The following STPG2 variants were observed in gnomAD, a reference collection of about 807,000 sequenced individuals.
STPG2 encodes sperm tail PG-rich repeat containing 2.
STPG2 carries 56 observed loss-of-function variants against 54.2 expected under a neutral mutation model. The observed-to-expected ratio is 1.03, with a 90% CI of 0.83 to 1.29. STPG2 has a LOEUF of 1.29. Among genes scored for constraint, STPG2 ranks in the 50% most tolerant of loss-of-function variants. The pLI is 0.00. For synonymous variants in STPG2, 200 were observed against 181.8 expected (o/e 1.10, Z -0.81); for missense variants, 596 against 544.9 (o/e 1.09, Z -0.93).
At chr4:97,635,691 A>G (rs371738467) in intron 10 of STPG2, among the ~76,000 whole-genome samples, 1 of 150,746 alleles carries the variant, frequency 6.6e-6, no homozygotes, top group Non-Finnish European at 1.5e-5. Context: ...GGTTGCAATC[A>G]TAGTCTCTGA....
chr4:97,762,476 T>C (rs1725917665), intron 9 of STPG2, among the ~76,000 whole-genome samples: 1 of 152,158 alleles, frequency 6.6e-6, no homozygotes, highest in Non-Finnish European at 1.5e-5. Flanking sequence ...CCTAACAGGA[T>C]GCTTCCTCCC....
chr4:97,741,240 G>T (rs1393007225), intron 9 of STPG2, among the ~76,000 whole-genome samples: 1 of 151,998 alleles, frequency 6.6e-6, no homozygotes, highest in Non-Finnish European at 1.5e-5. Flanking sequence ...TTAAACATTA[G>T]ACCTAAAACC....
chr4:97,826,101 C>G (rs557154176), intron 9 of STPG2, among the ~76,000 whole-genome samples: 23 of 152,252 alleles, frequency 1.5e-4, no homozygotes, highest in African/African-American at 4.3e-4. Context: ...ACACTTCTGT[C>G]TGATGTCATA....
chr4:97,615,196 T>A (rs1414372698), intron 10 of STPG2, among the ~76,000 whole-genome samples: 2 of 152,182 alleles, frequency 1.3e-5, no homozygotes, highest in Non-Finnish European at 2.9e-5. Context: ...GGTCTCTTTT[T>A]AAACTGATGA....
chr4:97,966,511 G>A (rs1014170957), intron 7 of STPG2, among the ~76,000 whole-genome samples: 2 of 152,108 alleles, frequency 1.3e-5, no homozygotes, highest in Non-Finnish European at 2.9e-5. Context: ...TCAAATTCAG[G>A]AAATACAGAG....
chr4:97,702,441 A>G (rs1017003939), intron 10 of STPG2, among the ~76,000 whole-genome samples: 1 of 152,168 alleles, frequency 6.6e-6, no homozygotes. Context: ...TCATGGGTCA[A>G]ACCCTCAACC....
intron 8 of STPG2, among the ~76,000 whole-genome samples, chr4:97,848,859 A>G (rs1403264002): frequency 6.7e-6 from 1 of 149,902 alleles, no homozygotes; most frequent in Non-Finnish European, 1.5e-5. Flanking sequence ...ATTGATCTAT[A>G]TCTCTGTTTT....
intron 10 of STPG2, among the ~76,000 whole-genome samples, chr4:97,675,123 C>T (rs1041261313): frequency 5.3e-5 from 8 of 152,102 alleles, no homozygotes; most frequent in Non-Finnish European, 1.2e-4. Context: ...CCTGCCTCAG[C>T]CTCCCGAGTA....
At chr4:98,018,853 T>G (rs915328681) in intron 5 of STPG2, among the ~76,000 whole-genome samples, 5 of 151,998 alleles carry the variant, frequency 3.3e-5, no homozygotes, top group African/African-American at 9.7e-5. Flanking sequence ...TTGCCCACTT[T>G]TTGATGGGGT....
intron 10 of STPG2, among the ~76,000 whole-genome samples, chr4:97,665,235 C>A (rs147682053): frequency 6.6e-6 from 1 of 152,172 alleles, no homozygotes; most frequent in Admixed American, 6.5e-5. Flanking sequence ...GCTCTGTTTG[C>A]GTTACAGCTC....
intron 5 of STPG2, among the ~76,000 whole-genome samples, chr4:97,996,986 G>A (rs535115625): frequency 6.6e-6 from 1 of 152,376 alleles, no homozygotes; most frequent in African/African-American, 2.4e-5. Flanking sequence ...TACACTGCTG[G>A]TGGGAATGTA....
intron 4 of STPG2, among the ~76,000 whole-genome samples, chr4:97,545,728 A>G (rs948269694): frequency 1.3e-5 from 2 of 152,126 alleles, no homozygotes; most frequent in African/African-American, 4.8e-5. Context: ...AATTGGTTGA[A>G]TTCCAAAAAA....
At chr4:97,915,865 G>A (rs371203244) in intron 8 of STPG2, among the ~76,000 whole-genome samples, 41 of 152,202 alleles carry the variant, frequency 2.7e-4, no homozygotes, top group African/African-American at 6.3e-4. Context: ...GCTATGCTTC[G>A]GGAAGATCAC....
chr4:97,491,724 G>C (rs1319814182), intron 4 of STPG2, among the ~76,000 whole-genome samples: 1 of 151,516 alleles, frequency 6.6e-6, no homozygotes, highest in East Asian at 1.9e-4. Context: ...AAGGAAGAAA[G>C]TCAGATAGGT....
intron 1 of STPG2, among the ~76,000 whole-genome samples, chr4:98,137,240 G>A (rs906035315): frequency 8.6e-5 from 13 of 151,522 alleles, no homozygotes; most frequent in Non-Finnish European, 1.9e-4. Context: ...GAATAACAGG[G>A]ATAAAAGATA....
intron 5 of STPG2, among the ~76,000 whole-genome samples, chr4:98,059,363 G>T (rs1276458559): frequency 6.6e-6 from 1 of 151,946 alleles, no homozygotes; most frequent in East Asian, 1.9e-4. Context: ...AGAAGAAACT[G>T]ATTTCCTGAA....
At chr4:97,550,107 A>G (rs1731931279) in intron 4 of STPG2, among the ~76,000 whole-genome samples, 1 of 152,180 alleles carries the variant, frequency 6.6e-6, no homozygotes. Flanking sequence ...TCAAAAGTTA[A>G]AAGATGTATA....
chr4:97,992,368 C>G (rs1560626177), intron 5 of STPG2, among the ~76,000 whole-genome samples: 1 of 151,986 alleles, frequency 6.6e-6, no homozygotes, highest in African/African-American at 2.4e-5. Context: ...CCTTTCGCCA[C>G]TTTATGTTTT....
chr4:97,697,895 C>T (rs1723636709), intron 10 of STPG2, among the ~76,000 whole-genome samples: 1 of 152,168 alleles, frequency 6.6e-6, no homozygotes, highest in African/African-American at 2.4e-5. Context: ...TCGGCCCATC[C>T]CTTTTCTTCT....
Sources: gnomAD v4.1 joint callset for allele counts (sites outside exome capture counted in the v4.1 genomes callset) on GRCh38, gnomAD v4.1.1 for gene constraint, MANE v1.5 for transcripts, NCBI Gene and HGNC (gene_info 2026-07-23, HGNC 2026-07-21) for gene names.